Variants in RAP1GAP2 observed in about 807,000 individuals in gnomAD.
RAP1GAP2 encodes the protein RAP1 GTPase activating protein 2.
A neutral mutation model predicts 95.0 loss-of-function variants in RAP1GAP2; 27 were observed. That is an observed-to-expected ratio of 0.28 (90% CI 0.21 to 0.39). RAP1GAP2 has a LOEUF of 0.39. Among genes scored for constraint, RAP1GAP2 ranks in the 10% least tolerant of loss-of-function variants. RAP1GAP2 has a pLI of 1.00. For synonymous variants in RAP1GAP2, 373 were observed against 380.9 expected, an observed-to-expected ratio of 0.98 and a Z score of 0.24; for missense variants, 771 against 970.0, an observed-to-expected ratio of 0.79 and a Z score of 2.72.
At chr17:2,755,848 G>A (rs1444694530) in intron 1 of RAP1GAP2, 5 of 338,660 alleles carry the variant, frequency 1.5e-5, no homozygotes, top group Middle Eastern at 1.6e-3. Context: ...AGCGGGGCGC[G>A]GGCCCAAAGT....
chr17:3,019,227 A>C (rs2046875566), intron 18 of RAP1GAP2, among the ~76,000 whole-genome samples: 1 of 151,782 alleles, frequency 6.6e-6, no homozygotes. Context: ...AAGGGGAGGG[A>C]ATCATGTAGT....
intron 3 of RAP1GAP2, among the ~76,000 whole-genome samples, chr17:2,914,198 A>C (rs2042489297): frequency 6.6e-6 from 1 of 152,008 alleles, no homozygotes; most frequent in Non-Finnish European, 1.5e-5. Flanking sequence ...TGAAACTGCT[A>C]CACTGTTTGC....
At chr17:2,878,001 C>T (rs576077045) in intron 2 of RAP1GAP2, among the ~76,000 whole-genome samples, 6 of 151,954 alleles carry the variant, frequency 3.9e-5, no homozygotes, top group East Asian at 3.9e-4. Context: ...AGCTGAGAGA[C>T]GTGTAGGAGG....
chr17:2,990,129 A>G (rs887374331), intron 11 of RAP1GAP2, among the ~76,000 whole-genome samples: 1 of 152,238 alleles, frequency 6.6e-6, no homozygotes, highest in Non-Finnish European at 1.5e-5. Context: ...CATTTTGTCT[A>G]TCTATTCATC....
chr17:2,789,769 G>A, intron 1 of RAP1GAP2, among the ~76,000 whole-genome samples: 1 of 125,766 alleles, frequency 8.0e-6, no homozygotes, highest in Admixed American at 9.2e-5. Flanking sequence ...GCGACAGAGT[G>A]AGACTCCATC....
At position 2,954,260 on chromosome 17, in the gene RAP1GAP2, A is replaced by G. The variant is rs1365776237; in HGVS notation, c.166-3499A>G. Among the ~76,000 whole-genome samples, 4 of 151,838 alleles carry G rather than the reference A, an allele frequency of 2.6e-5. No individual in the cohort carries two copies. The East Asian group carries it at 5.9e-4, about 22-fold the overall frequency. ...GCTGGGATTACAGGCGCCCGCCACC[A>G]TGCCCAGCTAATTTTTTGTATTTTT... On this transcript the variant is annotated intron_variant, in intron 3 of 24. Transcript: ENST00000254695.
chr17:2,998,493 G>T, intron 14 of RAP1GAP2, 117 bp downstream of exon 14: 1 of 1,274,584 alleles, frequency 7.8e-7, no homozygotes, highest in Non-Finnish European at 1.1e-6. Context: ...TGAGTTTGCA[G>T]GTTTCTGGGG....
intron 3 of RAP1GAP2, among the ~76,000 whole-genome samples, chr17:2,931,039 T>G (rs2043127898): frequency 6.7e-6 from 1 of 149,406 alleles, no homozygotes; most frequent in Non-Finnish European, 1.5e-5. Flanking sequence ...GGAGAATCGC[T>G]TGAACCTGGG....
upstream of RAP1GAP2, among the ~76,000 whole-genome samples, chr17:2,793,007 G>A (rs1309525066): frequency 1.3e-5 from 2 of 152,182 alleles, no homozygotes; most frequent in Non-Finnish European, 2.9e-5. Flanking sequence ...CATGTGGTCA[G>A]TGTGGGTGGT....
At chr17:2,787,692 C>T (rs771634567) in intron 1 of RAP1GAP2, among the ~76,000 whole-genome samples, 9 of 152,020 alleles carry the variant, frequency 5.9e-5, no homozygotes, top group Non-Finnish European at 1.0e-4. Flanking sequence ...CTCAGCCTCC[C>T]GAGTAGCTGG....
At chr17:3,016,733 TCTC>T (rs5818886) in intron 17 of RAP1GAP2, among the ~76,000 whole-genome samples, 34,763 of 152,082 alleles carry the variant, frequency 0.23, 4,383 homozygotes, top group African/African-American at 0.34. Context: ...TGCTGGGCTG[TCTC>T]CTCAGAGCCC....
upstream of RAP1GAP2, among the ~76,000 whole-genome samples, chr17:2,795,229 T>C (rs2069040099): frequency 6.6e-6 from 1 of 151,484 alleles, no homozygotes; most frequent in Admixed American, 6.6e-5. Flanking sequence ...CTTTCTCCAC[T>C]GCTTGGGGGT....
chr17:2,874,435 C>T (rs191023060), intron 2 of RAP1GAP2, among the ~76,000 whole-genome samples: 10 of 152,286 alleles, frequency 6.6e-5, no homozygotes, highest in Admixed American at 2.0e-4. Context: ...AGGCCCCGGG[C>T]TGACGGAGGC....
intron 17 of RAP1GAP2, among the ~76,000 whole-genome samples, chr17:3,014,545 ATTTTTTTTTTTT>A (rs10542901): frequency 9.5e-6 from 1 of 105,102 alleles, no homozygotes; most frequent in African/African-American, 3.8e-5. Context: ...AAAGATGCTG[ATTTTTTTTTTTT>A]TTTTTTTTTT....
In RAP1GAP2 at chr17:2,980,296, G is replaced by A. The variant is rs773836155; in HGVS notation, c.606G>A (p.Leu202=). 6 of 1,613,790 alleles carry A rather than the reference G, an allele frequency of 3.7e-6. No homozygotes were observed. The Admixed American group carries it at 1.0e-4, about 27-fold the overall frequency. Residue 202 remains leucine, a synonymous_variant, in exon 9 of 25, where the codon CTG becomes CTA. Coordinates refer to ENST00000254695, the MANE Select transcript of RAP1GAP2 (RefSeq NM_015085.5). ...CTCCCGTCTTGTGCAGGTCCAAACT[G>A]AAGACGGTACATGAGCGGATCCCCT... ...EYLRVILRSK[L]KTVHERIPLA...
intron 3 of RAP1GAP2, among the ~76,000 whole-genome samples, chr17:2,943,334 G>A (rs1242841591): frequency 6.6e-6 from 1 of 152,122 alleles, no homozygotes; most frequent in Admixed American, 6.6e-5. Context: ...AAATGTATAA[G>A]GAACTCCTAC....
rs1237936406 is a variant in RAP1GAP2 at position 3,027,111 on chromosome 17, G to T, written c.2107+41G>T. On this transcript the variant is annotated intron_variant, in intron 22 of 24. Coordinates refer to ENST00000254695, the MANE Select transcript of RAP1GAP2 (RefSeq NM_015085.5). The surrounding 1 kb of genome is among the most constrained non-coding windows in gnomAD (Gnocchi z 5.2). ...TGGTGTGTGTGACGTCACCAGGAGG[G>T]CAGGCTGTGCCCTGTCCACTGTTAG... is the stretch of plus-strand genomic sequence containing the variant. 7 of 1,538,068 alleles carry T rather than the reference G, an allele frequency of 4.6e-6. No individual in the cohort carries two copies. Among genetic ancestry groups the T allele is most frequent in the Non-Finnish European group, 6.1e-6 (7 of 1,138,892 alleles).
intron 3 of RAP1GAP2, among the ~76,000 whole-genome samples, chr17:2,923,755 G>A (rs2151773146): frequency 1.3e-5 from 2 of 151,922 alleles, no homozygotes; most frequent in Middle Eastern, 6.8e-3. Flanking sequence ...TAAAGCAATT[G>A]TAAAGTACAG....
chr17:2,988,070 AGT>A (rs2151555748), intron 11 of RAP1GAP2, among the ~76,000 whole-genome samples: 1 of 152,140 alleles, frequency 6.6e-6, no homozygotes, highest in East Asian at 1.9e-4. Context: ...ATTAGCCAGG[AGT>A]GGTGGTGGGC....
Sources: allele counts gnomAD v4.1 joint callset (sites outside exome capture counted in the v4.1 genomes callset), GRCh38; gene constraint gnomAD v4.1.1; non-coding constraint Gnocchi (gnomAD v3.1); transcripts MANE v1.5; gene names NCBI Gene and HGNC (gene_info 2026-07-23, HGNC 2026-07-21).